Variants in TEX51 observed in about 807,000 individuals in gnomAD.
TEX51 encodes the protein testis-expressed protein 51.
Under a neutral mutation model 8.0 loss-of-function variants are expected in TEX51, and 14 were observed. That is an observed-to-expected ratio of 1.76 (90% CI 1.16 to 2.75). The LOEUF is 2.75. TEX51 is among the 30% of genes most tolerant of loss of function. TEX51 has a pLI of 0.00. For missense variants in TEX51, 142 were observed against 77.4 expected (o/e 1.83, Z -3.13); for synonymous variants, 58 against 28.6 (o/e 2.03, Z -3.29).
chr2:126,900,187 C>T (rs987392483), intron 4 of TEX51, 168 bp downstream of exon 4: 38 of 629,598 alleles, frequency 6.0e-5, no homozygotes, highest in Non-Finnish European at 9.5e-5. Flanking sequence ...TCATGTCAAG[C>T]TCCAGAGCCC....
At position 126,899,258 on chromosome 2, in the gene TEX51, CAAGTACACCAAGCCATTA is replaced by C; in HGVS notation, c.190_207del (p.Val64_Lys69del). The C allele has an allele frequency of 1.4e-6, 1 of 702,152 alleles. No individual in the cohort carries two copies. Among genetic ancestry groups the C allele is most frequent in the Non-Finnish European group, 2.6e-6 (1 of 384,800 alleles). 43.5% of individuals were successfully genotyped at this position (702,152 alleles called of 1,614,324 possible). On this transcript the variant is annotated inframe_deletion, in exon 2 of 7. Transcript: ENST00000568484. Reference sequence around the variant, plus strand: ...AGAAGAAACAGCCAAATTCTTCACTCAAGTACACCAAGCCATTAAAACGTTACGAGATGGTGAGGAAGC... The same window carrying C: ...AGAAGAAACAGCCAAATTCTTCACTCAAACGTTACGAGATGGTGAGGAAGC...
intron 6 of TEX51, 93 bp from the exon 7 acceptor site, chr2:126,901,779 G>T: frequency 1.8e-6 from 1 of 571,288 alleles, no homozygotes; most frequent in South Asian, 2.2e-5. Flanking sequence ...GTTTGGCCAG[G>T]GGAGACTCCC....
chr2:126,899,123 G>T (rs892788035), intron 1 of TEX51, 60 bp downstream of exon 1: 2 of 701,162 alleles, frequency 2.9e-6, no homozygotes, highest in East Asian at 5.4e-5. Context: ...CCTTGGTGAG[G>T]CACAGCCAGG....
chr2:126,901,283 G>A lies in TEX51; in HGVS notation c.463+5G>A, dbSNP rs1243963707. On this transcript the variant is annotated splice_donor_5th_base_variant and intron_variant, in intron 5 of 6. Coordinates refer to ENST00000568484, the MANE Select transcript of TEX51 (RefSeq NM_001322244.2). ...TACTCCTGGCCATAGCTGGAGGTGG[G>A]TGAGTGACCTCTCCAAGCCCCAGCA... 1 of 699,904 alleles carries A rather than the reference G, an allele frequency of 1.4e-6. No individual in the cohort carries two copies. Among genetic ancestry groups the A allele is most frequent in the Non-Finnish European group, 2.6e-6 (1 of 383,462 alleles). The allele number at this position is 699,904 out of a possible 1,614,324, so 43.4% of individuals were successfully genotyped here.
At chr2:126,899,835 G>A (rs762641627) in intron 3 of TEX51, 101 bp from the exon 4 acceptor site, 1 of 701,998 alleles carries the variant, frequency 1.4e-6, no homozygotes, top group Admixed American at 2.0e-5. Context: ...CTCCCTGGCA[G>A]CCTGCAATGA....
In TEX51 at chr2:126,901,960, C is replaced by T. The variant is rs1214893877; in HGVS notation, c.*91C>T. 8 of 661,602 alleles carry T rather than the reference C, an allele frequency of 1.2e-5. No individual in the cohort carries two copies. In the Admixed American group the frequency reaches 1.8e-4, roughly 15 times the overall value. 41.0% of individuals were successfully genotyped at this position (661,602 alleles called of 1,614,324 possible). ...TTCACTCATCTCTGGGTCCCGGTGA[C>T]CCCATCCCCCCATACCCTCCATCCT... On this transcript the variant is annotated 3_prime_UTR_variant, in exon 7 of 7. Transcript: ENST00000568484.
At chr2:126,899,502 C>T in intron 2 of TEX51, 21 bp from the exon 3 acceptor site, 1 of 696,698 alleles carries the variant, frequency 1.4e-6, no homozygotes, top group Non-Finnish European at 2.6e-6. Flanking sequence ...CTGAACACCC[C>T]TTCCCTCCTG....
In TEX51 at chr2:126,899,920, C is replaced by A; in HGVS notation, c.311-16C>A. The A allele has an allele frequency of 2.9e-6, 2 of 701,634 alleles. No homozygotes were observed. The highest frequency in any genetic ancestry group is 1.5e-5 in the South Asian group (1 of 67,562). 43.5% of individuals were successfully genotyped at this position (701,634 alleles called of 1,614,324 possible). A position where few individuals can be genotyped will look rare whatever the true frequency, so the allele number is the denominator to read the frequency against. On this transcript the variant is annotated splice_polypyrimidine_tract_variant and intron_variant, in intron 3 of 6. Transcript: ENST00000568484. ...GCACCTGGCACCCCCTAGCCCCTGT[C>A]CCTCCCCTCCCATAGACATACAGTC... is the stretch of plus-strand genomic sequence containing the variant.
At position 126,901,421 on chromosome 2, in the gene TEX51, C is replaced by T. The variant is rs1225159572; in HGVS notation, c.*2+17C>T. On this transcript the variant is annotated intron_variant, in intron 6 of 6. Transcript: ENST00000568484. ...GCAGTAAAGGTACTGGGAAAGGAGA[C>T]CCCGACCCAATTCTAGGGCTCCCAG... 2.8e-6 allele frequency: 2 copies of T among 702,290 alleles called. No homozygotes were observed. Among genetic ancestry groups the T allele is most frequent in the South Asian group, 1.5e-5 (1 of 67,578 alleles). 43.5% of individuals were successfully genotyped at this position (702,290 alleles called of 1,614,324 possible). A position where few individuals can be genotyped will look rare whatever the true frequency, so the allele number is the denominator to read the frequency against.
At chr2:126,899,703 A>T in intron 3 of TEX51, 91 bp downstream of exon 3, 1 of 694,672 alleles carries the variant, frequency 1.4e-6, no homozygotes, top group Non-Finnish European at 2.6e-6. Context: ...AGCCCCCTCG[A>T]TCATCCCCAG....
intron 4 of TEX51, among the ~76,000 whole-genome samples, chr2:126,900,769 T>C (rs918371528): frequency 2.6e-5 from 4 of 152,122 alleles, no homozygotes; most frequent in African/African-American, 9.7e-5. Flanking sequence ...CAAATGCCCC[T>C]AGAGAAAGCC....
At chr2:126,899,723 C>G in intron 3 of TEX51, 111 bp downstream of exon 3, 1 of 698,634 alleles carries the variant, frequency 1.4e-6, no homozygotes, top group South Asian at 1.5e-5. Context: ...GGAGCCCCAC[C>G]CCTCTCCATG....
chr2:126,900,613 C>T (rs77108556), intron 4 of TEX51, among the ~76,000 whole-genome samples: 1 of 152,034 alleles, frequency 6.6e-6, no homozygotes, highest in African/African-American at 2.4e-5. Flanking sequence ...CTAACCTCCA[C>T]TCTCAGGCCT....
In TEX51 at chr2:126,898,952, G is replaced by T; in HGVS notation, c.34G>T (p.Ala12Ser). 1 of 701,206 alleles carries T rather than the reference G, an allele frequency of 1.4e-6. No homozygotes were observed. Among genetic ancestry groups the T allele is most frequent in the South Asian group, 1.5e-5 (1 of 67,532 alleles). The allele number at this position is 701,206 out of a possible 1,614,324, so 43.4% of individuals were successfully genotyped here. ...TCTCCTGATCATCTGTCTCCTGCCT[G>T]CCATTGAAGGGAAGAACTGCCTCCG... ...LPLLIICLLP[A>S]IEGKNCLRCW... Residue 12 changes from alanine (A) to serine (S), a missense_variant, in exon 1 of 7, where the codon GCC becomes TCC. Transcript: ENST00000568484.
chr2:126,901,477 C>T (rs1040776964), intron 6 of TEX51, 73 bp downstream of exon 6: 14 of 696,652 alleles, frequency 2.0e-5, no homozygotes, highest in Non-Finnish European at 3.4e-5. Context: ...CTGGGAGTCT[C>T]AGGGCCTGGA....
chr2:126,900,173 G>T, intron 4 of TEX51, 154 bp downstream of exon 4: 1 of 637,696 alleles, frequency 1.6e-6, no homozygotes, highest in Middle Eastern at 4.1e-4. Flanking sequence ...ATTTCTTGAT[G>T]TCCTCATGTC....
At position 126,898,918 on chromosome 2, in the gene TEX51, G is replaced by T. The variant is rs763271148; in HGVS notation, c.-1G>T. On this transcript the variant is annotated 5_prime_UTR_variant, in exon 1 of 7. Coordinates refer to ENST00000568484, the MANE Select transcript of TEX51 (RefSeq NM_001322244.2). ...GGGGCACAGTAGGAGGAACCCAGAA[G>T]ATGCTGCCTCTCCTGATCATCTGTC... 10 of 698,738 alleles carry T rather than the reference G, an allele frequency of 1.4e-5. No homozygotes were observed. Among genetic ancestry groups the T allele is most frequent in the Non-Finnish European group, 2.6e-5 (10 of 383,472 alleles). The allele number at this position is 698,738 out of a possible 1,614,324, so 43.3% of individuals were successfully genotyped here. A position where few individuals can be genotyped will look rare whatever the true frequency, so the allele number is the denominator to read the frequency against.
rs1295548776 is a variant in TEX51, at chr2:126,899,404, A to G, written c.220+113A>G. On this transcript the variant is annotated intron_variant, in intron 2 of 6. Coordinates refer to ENST00000568484, the MANE Select transcript of TEX51 (RefSeq NM_001322244.2). ...GGGTGGGAGGTCTTGTGAAGGTGGG[A>G]GATGAATGCAGTCTGTCTCCGTGTG... The G allele has an allele frequency of 1.5e-5, 10 of 685,198 alleles. No homozygotes were observed. The East Asian group carries it at 2.7e-4, about 18-fold the overall frequency. 42.4% of individuals were successfully genotyped at this position (685,198 alleles called of 1,614,324 possible). A position where few individuals can be genotyped will look rare whatever the true frequency, so the allele number is the denominator to read the frequency against.
At chr2:126,901,661 TC>T in intron 6 of TEX51, 2 of 591,674 alleles carry the variant, frequency 3.4e-6, no homozygotes, top group South Asian at 4.2e-5. Flanking sequence ...AGAGTGCTCT[TC>T]CTCCCAGCTG....
Sources: allele counts gnomAD v4.1 joint callset (sites outside exome capture counted in the v4.1 genomes callset), GRCh38; gene constraint gnomAD v4.1.1; transcripts MANE v1.5; gene names NCBI Gene and HGNC (gene_info 2026-07-23, HGNC 2026-07-21).